SLIT3: variants seen among roughly 807,000 people sequenced by gnomAD.
The protein encoded by SLIT3 is slit guidance ligand 3.
A neutral mutation model predicts 184.0 loss-of-function variants in SLIT3; 68 were observed. The ratio of observed to expected loss-of-function variants is 0.37; its 90% CI spans 0.30 to 0.45. The LOEUF is 0.45. Ranked by LOEUF, SLIT3 falls within the 20% of genes least tolerant of loss-of-function variation. The probability of loss-of-function intolerance (pLI) is 1.00; values close to 1 mark genes in which losing one functional copy is unlikely to be tolerated. For missense variants in SLIT3, 1,707 were observed against 2,026.0 expected, an observed-to-expected ratio of 0.84 and a Z score of 3.02; for synonymous variants, 831 against 828.6, an observed-to-expected ratio of 1.00 and a Z score of -0.05.
chr5:168,795,418 C>A, intron 10 of SLIT3, 89 bp downstream of exon 10: 1 of 945,240 alleles, frequency 1.1e-6, no homozygotes. Flanking sequence ...GGACATGGTC[C>A]GTCACCTGGA....
intron 4 of SLIT3, among the ~76,000 whole-genome samples, chr5:168,958,292 C>A (rs1421259872): frequency 6.6e-6 from 1 of 152,168 alleles, no homozygotes; most frequent in Non-Finnish European, 1.5e-5. Context: ...ACATCAGTAT[C>A]TAACTGGAAG....
intron 22 of SLIT3, 139 bp downstream of exon 22, chr5:168,722,794 G>C (rs1762985610): frequency 1.4e-6 from 1 of 703,392 alleles, no homozygotes. Flanking sequence ...TGATGATTAA[G>C]GTGTATCTTA....
chr5:168,929,410 T>C (rs1290489633), intron 4 of SLIT3, among the ~76,000 whole-genome samples: 2 of 152,214 alleles, frequency 1.3e-5, no homozygotes, highest in Non-Finnish European at 2.9e-5. Context: ...CAATGAGTAG[T>C]TGCTATCATG....
Position 169,234,979 on chromosome 5 carries a change from T to C in SLIT3, c.341+9726A>G, listed in dbSNP as rs151070795. Reference sequence around the variant, plus strand: ...AAGGACTTTTTCCTTTAAAATGTAATAGTTTATTAGAACATATTTTGTTTT... The same window carrying C: ...AAGGACTTTTTCCTTTAAAATGTAACAGTTTATTAGAACATATTTTGTTTT... On this transcript the variant is annotated intron_variant, in intron 3 of 35. Transcript: ENST00000519560. Among the ~76,000 whole-genome samples, 6 of 152,366 alleles carry C rather than the reference T, an allele frequency of 3.9e-5. No homozygotes were observed. In the East Asian group the frequency reaches 9.6e-4, roughly 24 times the overall value.
rs564255593 is a variant in SLIT3, at chr5:169,039,658, C to T, written c.413+153821G>A. ...GTCTTGAAATAGAAAAACAATATACCCTTTCCTTCCACCACCACTAATCAA... is the reference window on the plus strand; with the variant it reads ...GTCTTGAAATAGAAAAACAATATACTCTTTCCTTCCACCACCACTAATCAA... On this transcript the variant is annotated intron_variant, in intron 4 of 35. Coordinates refer to ENST00000519560, the MANE Select transcript of SLIT3 (RefSeq NM_003062.4). Among the ~76,000 whole-genome samples the T allele has an allele frequency of 1.9e-4, 29 of 152,190 alleles. No homozygotes were observed. The South Asian group carries it at 6.0e-3, about 32-fold the overall frequency.
At chr5:169,055,945 C>T (rs187755425) in intron 4 of SLIT3, among the ~76,000 whole-genome samples, 26 of 152,222 alleles carry the variant, frequency 1.7e-4, no homozygotes, top group African/African-American at 6.0e-4. Flanking sequence ...ATTCTACATA[C>T]AATGGTAAAC....
intron 4 of SLIT3, among the ~76,000 whole-genome samples, chr5:168,961,577 A>G (rs1581248273): frequency 6.6e-6 from 1 of 152,204 alleles, no homozygotes; most frequent in Non-Finnish European, 1.5e-5. Context: ...AATTGACCTA[A>G]TGAGGAAGGC....
chr5:169,180,933 G>A (rs774126686), intron 4 of SLIT3, among the ~76,000 whole-genome samples: 1 of 152,122 alleles, frequency 6.6e-6, no homozygotes, highest in Non-Finnish European at 1.5e-5. Flanking sequence ...GTCCCTGAAG[G>A]TCTCAGTTGG....
At chr5:168,782,184 A>T (rs1755997944) in intron 12 of SLIT3, among the ~76,000 whole-genome samples, 1 of 152,170 alleles carries the variant, frequency 6.6e-6, no homozygotes, top group Non-Finnish European at 1.5e-5. Flanking sequence ...CTTCCAAGAA[A>T]ATTAAACAAC....
intron 26 of SLIT3, among the ~76,000 whole-genome samples, chr5:168,702,834 G>T (rs1013982767): frequency 6.6e-6 from 1 of 152,256 alleles, no homozygotes; most frequent in Admixed American, 6.5e-5. Context: ...CACATGGACC[G>T]TGAAGGGCAG....
At chr5:169,090,526 C>T (rs1201532186) in intron 4 of SLIT3, among the ~76,000 whole-genome samples, 1 of 152,220 alleles carries the variant, frequency 6.6e-6, no homozygotes, top group Non-Finnish European at 1.5e-5. Flanking sequence ...CACCCCACCT[C>T]AGGCTGGAAT....
chr5:168,804,312 A>C (rs1756878095), intron 9 of SLIT3, among the ~76,000 whole-genome samples: 1 of 26,490 alleles, frequency 3.8e-5, no homozygotes, highest in African/African-American at 1.6e-4. Context: ...CTCTTTCTCA[A>C]AAAAAAAAAA....
Position 168,763,282 on chromosome 5 carries a change from G to A in SLIT3, c.1460-593C>T, listed in dbSNP as rs190281299. 5.3e-5 allele frequency among the ~76,000 whole-genome samples: 8 copies of A among 152,196 alleles called. No individual in the cohort carries two copies. In the East Asian group the frequency reaches 1.4e-3, roughly 26 times the overall value. ...ACCATCGACGCCTGGCTGTAAGATTGGGAAGACAACGAGGGTTGGGAACCT... is the reference window on the plus strand; with the variant it reads ...ACCATCGACGCCTGGCTGTAAGATTAGGAAGACAACGAGGGTTGGGAACCT... On this transcript the variant is annotated intron_variant, in intron 14 of 35. Coordinates refer to ENST00000519560, the MANE Select transcript of SLIT3 (RefSeq NM_003062.4).
chr5:168,925,095 C>A (rs989249896), intron 4 of SLIT3, among the ~76,000 whole-genome samples: 1 of 152,172 alleles, frequency 6.6e-6, no homozygotes, highest in African/African-American at 2.4e-5. Context: ...GTAAACCAGT[C>A]TGGGTTTGGC....
At position 168,664,212 on chromosome 5, in the gene SLIT3, TATA is replaced by T. The variant is rs545508322; in HGVS notation, c.*2239_*2241del. On this transcript the variant is annotated 3_prime_UTR_variant, in exon 36 of 36. Coordinates refer to ENST00000519560, the MANE Select transcript of SLIT3 (RefSeq NM_003062.4). Reference sequence around the variant, plus strand: ...ATAAAGTACTAAATAAATCTGCTATTATAATAATGTTTGAAACAGGCTGAGCAT... The same window carrying T: ...ATAAAGTACTAAATAAATCTGCTATTATAATGTTTGAAACAGGCTGAGCAT... The T allele has an allele frequency of 1.3e-5, 2 of 152,198 alleles. No homozygotes were observed. The highest frequency in any genetic ancestry group is 6.5e-5 in the Admixed American group (1 of 15,286). 9.4% of individuals were successfully genotyped at this position (152,198 alleles called of 1,614,324 possible).
At chr5:169,233,895 AG>A (rs1237310887) in intron 3 of SLIT3, among the ~76,000 whole-genome samples, 2 of 152,114 alleles carry the variant, frequency 1.3e-5, no homozygotes, top group African/African-American at 4.8e-5. Context: ...TGACGGCAGG[AG>A]TCTAGTTCTG....
chr5:168,748,754 C>T (rs1754594641), intron 19 of SLIT3, among the ~76,000 whole-genome samples: 1 of 152,152 alleles, frequency 6.6e-6, no homozygotes, highest in Non-Finnish European at 1.5e-5. Context: ...CTTGTCTTTT[C>T]CCTTCCTCTT....
At chr5:169,006,578 T>TTCTCTCTC (rs369079733) in intron 4 of SLIT3, among the ~76,000 whole-genome samples, 168 of 140,204 alleles carry the variant, frequency 1.2e-3, no homozygotes, top group African/African-American at 3.9e-3. Flanking sequence ...TTTCCCCCTC[T>TTCTCTCTC]TCTCTCTCTC....
rs568419631 is a variant in SLIT3 at position 168,737,472 on chromosome 5, T to C, written c.2270+10830A>G. Among the ~76,000 whole-genome samples the C allele has an allele frequency of 2.6e-5, 4 of 151,710 alleles. No homozygotes were observed. In the South Asian group the frequency reaches 6.2e-4, roughly 24 times the overall value. On this transcript the variant is annotated intron_variant, in intron 20 of 35. Coordinates refer to ENST00000519560, the MANE Select transcript of SLIT3 (RefSeq NM_003062.4). Reference sequence around the variant, plus strand: ...AGTGCTGTGCACACACACACACACATGCACATGCATATGCACACTGCCAGC... The same window carrying C: ...AGTGCTGTGCACACACACACACACACGCACATGCATATGCACACTGCCAGC...
Sources: gnomAD v4.1 joint callset for allele counts (sites outside exome capture counted in the v4.1 genomes callset) on GRCh38, gnomAD v4.1.1 for gene constraint, MANE v1.5 for transcripts, NCBI Gene and HGNC (gene_info 2026-07-23, HGNC 2026-07-21) for gene names.